FSD2: variants seen among roughly 807,000 people sequenced by gnomAD.
The protein encoded by FSD2 is fibronectin type III and SPRY domain containing 2, also known as fibronectin type III and SPRY domain-containing protein 2.
In FSD2, 71 loss-of-function variants were observed where a neutral mutation model predicts 80.4. That is an observed-to-expected ratio of 0.88 (90% CI 0.73 to 1.08). The LOEUF is 1.08. Ranked by LOEUF, FSD2 falls within the 50% of genes least tolerant of loss-of-function variation. FSD2 has a pLI of 0.00. For missense variants in FSD2, 923 were observed against 913.8 expected, an observed-to-expected ratio of 1.01 and a Z score of -0.13; for synonymous variants, 361 against 329.5, an observed-to-expected ratio of 1.10 and a Z score of -1.03.
intron 7 of FSD2, 100 bp from the exon 8 acceptor site, chr15:82,769,984 T>C: frequency 7.1e-7 from 1 of 1,409,798 alleles, no homozygotes; most frequent in Non-Finnish European, 9.8e-7. Context: ...AAACTGGCTA[T>C]AAATTCCTCC....
In FSD2 at chr15:82,758,003, G is replaced by C. The variant is rs1019416734; in HGVS notation, c.*1345C>G. 1.3e-5 allele frequency: 2 copies of C among 152,042 alleles called. No individual in the cohort carries two copies. The highest frequency in any genetic ancestry group is 2.4e-5 in the African/African-American group (1 of 41,398). The allele number at this position is 152,042 out of a possible 1,614,324, so 9.4% of individuals were successfully genotyped here. ...TCGGCTCACTGCAGCCTCTGCCCCCGGGTTCAAGCAATTCTCCTGCCTCAG... is the reference window on the plus strand; with the variant it reads ...TCGGCTCACTGCAGCCTCTGCCCCCCGGTTCAAGCAATTCTCCTGCCTCAG... On this transcript the variant is annotated 3_prime_UTR_variant, in exon 13 of 13. Coordinates refer to ENST00000334574, the MANE Select transcript of FSD2 (RefSeq NM_001007122.4).
chr15:82,787,361 C>G lies in FSD2; in HGVS notation c.30G>C (p.Gly10=). 6.2e-7 allele frequency: 1 copy of G among 1,610,398 alleles called. No homozygotes were observed. ...AATCCTTGGGAGTAGACCTGTCCAG[C>G]CCCAGTTCCTCCCCCGATTCCTCCT... MEEESGEEL[G]LDRSTPKDFH... The change falls in exon 2 of 13, where the codon GGG becomes GGC. Residue 10 remains glycine, a synonymous_variant. Coordinates refer to ENST00000334574, the MANE Select transcript of FSD2 (RefSeq NM_001007122.4).
chr15:82,794,148 T>C (rs2050208408), intron 1 of FSD2, among the ~76,000 whole-genome samples: 1 of 152,106 alleles, frequency 6.6e-6, no homozygotes. Context: ...ATCACTGCTT[T>C]TGCTGTACCC....
chr15:82,782,763 T>C, intron 4 of FSD2, 32 bp downstream of exon 4: 3 of 1,495,940 alleles, frequency 2.0e-6, no homozygotes, highest in Non-Finnish European at 1.8e-6. Context: ...CTTTCCATTA[T>C]GTTCATTATT....
At chr15:82,802,179 C>CA (rs1293984528) in intron 1 of FSD2, among the ~76,000 whole-genome samples, 1 of 152,186 alleles carries the variant, frequency 6.6e-6, no homozygotes, top group Non-Finnish European at 1.5e-5. Flanking sequence ...TGAACTAGGG[C>CA]ACAGCTTCTT....
At chr15:82,782,104 T>TAAAAAA (rs1555478754) in intron 4 of FSD2, among the ~76,000 whole-genome samples, 1 of 118,906 alleles carries the variant, frequency 8.4e-6, no homozygotes, top group Non-Finnish European at 1.8e-5. Context: ...ATAATAATAA[T>TAAAAAA]AAAACTCTTG....
At chr15:82,775,473 A>G (rs967999182) in intron 6 of FSD2, among the ~76,000 whole-genome samples, 8 of 151,870 alleles carry the variant, frequency 5.3e-5, no homozygotes, top group African/African-American at 1.2e-4. Flanking sequence ...ATGCCTTTCT[A>G]TCTTTCTCTT....
At chr15:82,791,169 T>C (rs371302727) in intron 1 of FSD2, among the ~76,000 whole-genome samples, 4 of 149,858 alleles carry the variant, frequency 2.7e-5, no homozygotes, top group African/African-American at 9.8e-5. Flanking sequence ...CAGCTAATTG[T>C]TTGTATTTTT....
At chr15:82,764,492 C>CTTTTTGTTTTTTTTTTTTTT (rs2049362535) in intron 11 of FSD2, among the ~76,000 whole-genome samples, 1 of 86,182 alleles carries the variant, frequency 1.2e-5, no homozygotes, top group Non-Finnish European at 2.2e-5. Flanking sequence ...TCTTTACTTG[C>CTTTTTGTTTTTTTTTTTTTT]TTTTTTTTTT....
At chr15:82,778,127 CATATAT>C (rs34527251) in intron 6 of FSD2, among the ~76,000 whole-genome samples, 2,299 of 83,934 alleles carry the variant, frequency 0.027, 91 homozygotes, top group African/African-American at 0.057. Context: ...ACAAAAAAAC[CATATAT>C]ATATATATAT....
chr15:82,794,425 T>C (rs1196919070), intron 1 of FSD2, among the ~76,000 whole-genome samples: 1 of 152,196 alleles, frequency 6.6e-6, no homozygotes, highest in African/African-American at 2.4e-5. Context: ...GAACGTTCCA[T>C]AGGCATTTGG....
At chr15:82,786,315 G>C (rs1217160372) in intron 3 of FSD2, among the ~76,000 whole-genome samples, 196 bp downstream of exon 3, 1 of 152,234 alleles carries the variant, frequency 6.6e-6, no homozygotes, top group African/African-American at 2.4e-5. Context: ...AGGGAATGCT[G>C]ACAGGTAATT....
intron 1 of FSD2, among the ~76,000 whole-genome samples, chr15:82,805,154 T>C (rs2050500398): frequency 6.6e-6 from 1 of 151,376 alleles, no homozygotes; most frequent in African/African-American, 2.4e-5. Context: ...TTTTTTTTTT[T>C]TTTTTTTAGA....
rs932620301 is a variant in FSD2, at chr15:82,757,235, C to T, written c.*2113G>A. The stretch of plus-strand genomic sequence containing the variant: ...GTGTTGAGTTTTTAATCCATTTATC[C>T]GTGTTCATACTAACGTGTAGTATTC... On this transcript the variant is annotated 3_prime_UTR_variant, in exon 13 of 13. Transcript: ENST00000334574. 1.1e-4 allele frequency: 16 copies of T among 152,122 alleles called. No homozygotes were observed. The highest frequency in any genetic ancestry group is 3.9e-4 in the East Asian group (2 of 5,186). The allele number at this position is 152,122 out of a possible 1,614,324, so 9.4% of individuals were successfully genotyped here. A position where few individuals can be genotyped will look rare whatever the true frequency, so the allele number is the denominator to read the frequency against.
At chr15:82,778,988 G>T in intron 5 of FSD2, 101 bp from the exon 6 acceptor site, 1 of 1,380,898 alleles carries the variant, frequency 7.2e-7, no homozygotes, top group East Asian at 2.3e-5. Flanking sequence ...GGGGCTCTTT[G>T]CTGAACTTTC....
At position 82,778,860 on chromosome 15, in the gene FSD2, T is replaced by C. The variant is rs755974698; in HGVS notation, c.1017A>G (p.Thr339=). The stretch of plus-strand genomic sequence containing the variant: ...CAGGCTGTGCAGAGATTTCCACGTC[T>C]GTTTTTGTTTTCAGGAATTTCCCGA... The part of the protein sequence containing the change: ...DRLGKFLKTK[T]DVEISAQPEF... The change falls in exon 6 of 13, where the codon ACA becomes ACG. Residue 339 remains threonine (T), a synonymous_variant. Coordinates refer to ENST00000334574, the MANE Select transcript of FSD2 (RefSeq NM_001007122.4). 2 of 1,613,960 alleles carry C rather than the reference T, an allele frequency of 1.2e-6. No homozygotes were observed. The highest frequency in any genetic ancestry group is 1.7e-6 in the Non-Finnish European group (2 of 1,179,884).
At chr15:82,772,014 G>A in intron 7 of FSD2, 59 bp downstream of exon 7, 2 of 1,456,868 alleles carry the variant, frequency 1.4e-6, no homozygotes, top group Non-Finnish European at 1.8e-6. Flanking sequence ...CAGGGCCCAG[G>A]CCCCTGAGGG....
At chr15:82,804,126 G>C (rs915080172) in intron 1 of FSD2, among the ~76,000 whole-genome samples, 1 of 152,192 alleles carries the variant, frequency 6.6e-6, no homozygotes, top group East Asian at 1.9e-4. Flanking sequence ...AGTCACTCAT[G>C]GAGAGTGACC....
rs1478071274 is a variant in FSD2, at chr15:82,786,833, T to G, written c.558A>C (p.Pro186=). 5.0e-6 allele frequency: 8 copies of G among 1,613,894 alleles called. No individual in the cohort carries two copies. The highest frequency in any genetic ancestry group is 6.8e-6 in the Non-Finnish European group (8 of 1,179,888). The change falls in exon 2 of 13, where the codon CCA becomes CCC. Residue 186 remains proline, a synonymous_variant. Transcript: ENST00000334574. The stretch of plus-strand genomic sequence containing the variant: ...CAAAAACCTTCTGAAAAGCTCTTAT[T>G]GGAGTCTTACAAGTGACACAGAAGA... ...ADVFCVTCKT[P]IRAFQKVFDE... is the part of the protein sequence containing the mutation.
Sources: allele counts gnomAD v4.1 joint callset (sites outside exome capture counted in the v4.1 genomes callset), GRCh38; gene constraint gnomAD v4.1.1; transcripts MANE v1.5; gene names NCBI Gene and HGNC (gene_info 2026-07-23, HGNC 2026-07-21).